The following MRPS9 variants were observed in gnomAD, a reference collection of about 807,000 sequenced individuals.
The protein encoded by MRPS9 is mitochondrial ribosomal protein S9.
MRPS9 carries 45 observed loss-of-function variants against 59.9 expected under a neutral mutation model. The ratio of observed to expected loss-of-function variants is 0.75; its 90% CI spans 0.59 to 0.96. The LOEUF (loss-of-function observed/expected upper bound fraction) is 0.96, where lower values mean the gene tolerates loss of function less well. Among genes scored for constraint, MRPS9 ranks in the 40% least tolerant of loss-of-function variants. The probability of loss-of-function intolerance (pLI) is 0.00; values close to 1 mark genes in which losing one functional copy is unlikely to be tolerated. For synonymous variants in MRPS9, 171 were observed against 166.8 expected, an observed-to-expected ratio of 1.03 and a Z score of -0.19; for missense variants, 473 against 481.1, an observed-to-expected ratio of 0.98 and a Z score of 0.16.
intron 2 of MRPS9, among the ~76,000 whole-genome samples, chr2:105,063,062 G>C (rs1398461225): frequency 6.6e-6 from 1 of 152,206 alleles, no homozygotes. Context: ...CTACAAAAGA[G>C]AAAATAGAAA....
At chr2:105,065,897 T>G (rs1437281997) in intron 2 of MRPS9, among the ~76,000 whole-genome samples, 1 of 152,088 alleles carries the variant, frequency 6.6e-6, no homozygotes, top group Non-Finnish European at 1.5e-5. Flanking sequence ...AGCAACATAA[T>G]TTTTTTTCAT....
chr2:105,062,885 C>T (rs1222167283), intron 2 of MRPS9, among the ~76,000 whole-genome samples: 1 of 152,164 alleles, frequency 6.6e-6, no homozygotes, highest in East Asian at 1.9e-4. Context: ...TAGGATTGCG[C>T]CCTTCATTTC....
intron 1 of MRPS9, among the ~76,000 whole-genome samples, chr2:105,042,100 A>G (rs1679512124): frequency 6.6e-6 from 1 of 152,240 alleles, no homozygotes; most frequent in Non-Finnish European, 1.5e-5. Context: ...CAGCTTAAAC[A>G]ACAGACATTT....
intron 2 of MRPS9, among the ~76,000 whole-genome samples, chr2:105,057,815 G>GTTTAGTTGGGAGACC (rs972863296): frequency 2.6e-5 from 4 of 152,256 alleles, no homozygotes; most frequent in Admixed American, 2.6e-4. Context: ...TTGTTATAAA[G>GTTTAGTTGGGAGACC]TTTAGTTGGG....
Position 105,080,001 on chromosome 2 carries a change from A to T in MRPS9, c.428A>T (p.Asp143Val), listed in dbSNP as rs1489509513. 6.2e-7 allele frequency: 1 copy of T among 1,611,640 alleles called. No homozygotes were observed. The highest frequency in any genetic ancestry group is 1.1e-5 in the South Asian group (1 of 90,770). Residue 143 changes from aspartate (D) to valine (V), a missense_variant, in exon 5 of 11, where the codon GAT (aspartate) becomes GTT (valine). By Grantham distance (152) the Asp-to-Val change is radical. Coordinates refer to ENST00000258455, the MANE Select transcript of MRPS9 (RefSeq NM_182640.3). ...AAATCAGCAATCCAGTGGGGAGAAG[A>T]TGGCCGTCCATTTCACTATCTCTTC... ...PRQRAIQWGE[D>V]GRPFHYLFYT...
intron 2 of MRPS9, among the ~76,000 whole-genome samples, chr2:105,065,928 G>A (rs559196374): frequency 1.2e-4 from 18 of 151,546 alleles, no homozygotes; most frequent in African/African-American, 3.9e-4. Context: ...TCCTTTGTTT[G>A]CTTCAGAATT....
chr2:105,058,670 A>G (rs1247228952), intron 2 of MRPS9, among the ~76,000 whole-genome samples: 7 of 150,766 alleles, frequency 4.6e-5, no homozygotes, highest in Admixed American at 4.0e-4. Flanking sequence ...CTGTAGTTTA[A>G]TGAGTTTCTT....
intron 4 of MRPS9, among the ~76,000 whole-genome samples, chr2:105,079,092 A>T (rs1680275163): frequency 6.6e-6 from 1 of 152,214 alleles, no homozygotes; most frequent in Non-Finnish European, 1.5e-5. Flanking sequence ...CATGGGATGA[A>T]TCATGAAAAA....
At position 105,078,342 on chromosome 2, in the gene MRPS9, A is replaced by G. The variant is rs200874962; in HGVS notation, c.410-1641A>G. 2.7e-3 allele frequency among the ~76,000 whole-genome samples: 224 copies of G among 83,642 alleles called. 2 individuals are homozygous for G. Among genetic ancestry groups the G allele is most frequent in the African/African-American group, 9.6e-3 (209 of 21,748 alleles). The allele number at this position is 83,642 out of a possible 152,430, so 54.9% of individuals were successfully genotyped here. On this transcript the variant is annotated intron_variant, in intron 4 of 10. Transcript: ENST00000258455. ...TGTGTGTGTGTGTGTGTGTGTGTGT[A>G]TACATTCACATATGTAATGAAATCA...
intron 7 of MRPS9, among the ~76,000 whole-genome samples, chr2:105,091,700 T>C (rs1211518375): frequency 1.3e-5 from 2 of 152,222 alleles, no homozygotes; most frequent in African/African-American, 2.4e-5. Flanking sequence ...AGTTGTTTCC[T>C]TCTCCATAAA....
At chr2:105,057,323 A>G (rs1679808556) in intron 2 of MRPS9, among the ~76,000 whole-genome samples, 3 of 152,236 alleles carry the variant, frequency 2.0e-5, no homozygotes, top group Admixed American at 2.0e-4. Context: ...TAATGCTGTT[A>G]TCCTCAACTC....
At chr2:105,047,678 A>G (rs1679617982) in intron 1 of MRPS9, among the ~76,000 whole-genome samples, 1 of 152,140 alleles carries the variant, frequency 6.6e-6, no homozygotes, top group Non-Finnish European at 1.5e-5. Flanking sequence ...AAAAGCCAGG[A>G]CCAGAAAGAT....
intron 2 of MRPS9, among the ~76,000 whole-genome samples, chr2:105,066,382 G>A (rs1680001156): frequency 6.6e-6 from 1 of 152,124 alleles, no homozygotes; most frequent in Admixed American, 6.5e-5. Context: ...GACTTCTAGC[G>A]AATTCTTTGT....
In MRPS9 at chr2:105,049,363, A is replaced by G. The variant is rs770396280; in HGVS notation, c.315+13A>G. 1 of 1,595,174 alleles carries G rather than the reference A, an allele frequency of 6.3e-7. No homozygotes were observed. The highest frequency in any genetic ancestry group is 8.5e-7 in the Non-Finnish European group (1 of 1,174,298). The stretch of plus-strand genomic sequence containing the variant: ...AGAAGATATTGACGTAAGTACAGTT[A>G]CTCTGTTGAAAAAGTAATTGCTGTA... On this transcript the variant is annotated intron_variant, in intron 2 of 10. Coordinates refer to ENST00000258455, the MANE Select transcript of MRPS9 (RefSeq NM_182640.3).
chr2:105,071,528 T>C (rs1468551060), intron 4 of MRPS9, 39 bp downstream of exon 4: 1 of 1,583,672 alleles, frequency 6.3e-7, no homozygotes, highest in South Asian at 1.1e-5. Context: ...GTTTTTTCTT[T>C]ACCGTATTCC....
At chr2:105,053,048 G>A (rs541620879) in intron 2 of MRPS9, among the ~76,000 whole-genome samples, 6 of 152,300 alleles carry the variant, frequency 3.9e-5, no homozygotes, top group Non-Finnish European at 8.8e-5. Flanking sequence ...AAAGGCATGA[G>A]CCACCACGCC....
At chr2:105,039,701 C>A (rs150632123) in intron 1 of MRPS9, among the ~76,000 whole-genome samples, 1 of 152,268 alleles carries the variant, frequency 6.6e-6, no homozygotes, top group Non-Finnish European at 1.5e-5. Flanking sequence ...GCATACTATT[C>A]CATGATAAGA....
At chr2:105,095,498 C>CTT (rs1178730252) in intron 9 of MRPS9, among the ~76,000 whole-genome samples, 36 of 122,576 alleles carry the variant, frequency 2.9e-4, no homozygotes, top group Admixed American at 3.3e-4. Context: ...TTTTTTTTTT[C>CTT]TTTTTTTTTT....
chr2:105,045,192 A>G (rs1167666540), intron 1 of MRPS9, among the ~76,000 whole-genome samples: 1 of 152,180 alleles, frequency 6.6e-6, no homozygotes, highest in Non-Finnish European at 1.5e-5. Context: ...ATAAGTCAGT[A>G]AGAATTCATT....
Sources: allele counts gnomAD v4.1 joint callset (sites outside exome capture counted in the v4.1 genomes callset), GRCh38; gene constraint gnomAD v4.1.1; transcripts MANE v1.5; gene names NCBI Gene and HGNC (gene_info 2026-07-23, HGNC 2026-07-21).